The following MED25 variants were observed in gnomAD, a reference collection of about 807,000 sequenced individuals.
The protein encoded by MED25 is mediator complex subunit 25.
In MED25, 62 loss-of-function variants were observed where a neutral mutation model predicts 89.4. That is an observed-to-expected ratio of 0.69 (90% confidence interval 0.57 to 0.86). MED25 has a LOEUF of 0.86. Among genes scored for constraint, MED25 ranks in the 40% least tolerant of loss-of-function variants. The pLI, the probability that MED25 is intolerant of heterozygous loss-of-function variation, is 0.00. For synonymous variants in MED25, 449 were observed against 427.9 expected (o/e 1.05, Z -0.61); for missense variants, 905 against 1,005.2 (o/e 0.90, Z 1.35).
Position 49,836,588 on chromosome 19 carries a change from TAGTGG to T in MED25, c.2146+183_2146+187del, listed in dbSNP as rs2123889774. On this transcript the variant is annotated intron_variant, in intron 17 of 17. Coordinates refer to ENST00000312865, the MANE Select transcript of MED25 (RefSeq NM_030973.4). This position sits in a 1 kb window ranked among gnomAD's most constrained non-coding sequence, Gnocchi z 5.1. ...AGTACAGCCCATGGGTCCAAGGACC[TAGTGG>T]GTTAAGAGCGTTTCCCATGATCCTC... is the stretch of plus-strand genomic sequence containing the variant. 1.2e-6 allele frequency: 1 copy of T among 804,800 alleles called. No homozygotes were observed. The highest frequency in any genetic ancestry group is 2.7e-5 in the East Asian group (1 of 37,690). The allele number at this position is 804,800 out of a possible 1,614,324, so 49.9% of individuals were successfully genotyped here.
At position 49,834,353 on chromosome 19, in the gene MED25, G is replaced by A. The variant is rs2074080216; in HGVS notation, c.1483-633G>A. 6.3e-6 allele frequency: 1 copy of A among 158,516 alleles called. No individual in the cohort carries two copies. 9.8% of individuals were successfully genotyped at this position (158,516 alleles called of 1,614,324 possible). ...AGGCTCAGAGAAGTCAATTCACTTG[G>A]CCAAGGTCAGCCTCGCCTCCCTCAG... On this transcript the variant is annotated intron_variant, in intron 13 of 17. Coordinates refer to ENST00000312865, the MANE Select transcript of MED25 (RefSeq NM_030973.4). This position sits in a 1 kb window ranked among gnomAD's most constrained non-coding sequence, Gnocchi z 4.1.
intron 13 of MED25, 139 bp downstream of exon 13, chr19:49,832,554 C>G: frequency 1.5e-6 from 1 of 683,524 alleles, no homozygotes. Context: ...TTAGGTTCCT[C>G]GCCTTTCTTC....
chr19:49,838,557 T>C (rs1425292976), downstream of MED25: 10 of 457,318 alleles, frequency 2.2e-5, no homozygotes, highest in South Asian at 1.4e-4. Context: ...AAATCTTTCT[T>C]GTACCCATGT....
Position 49,829,785 on chromosome 19 carries a change from G to C in MED25, c.526-1G>C. Reference sequence around the variant, plus strand: ...ATGACTGCTCGGCCCCTCTCCTACAGCGGGGGATCCACTTCTCCATTGTGT... The same window carrying C: ...ATGACTGCTCGGCCCCTCTCCTACACCGGGGGATCCACTTCTCCATTGTGT... On this transcript the variant is annotated splice_acceptor_variant, in intron 5 of 17. Coordinates refer to ENST00000312865, the MANE Select transcript of MED25 (RefSeq NM_030973.4). LOFTEE classifies it high-confidence loss of function. The surrounding 1 kb of genome is among the most constrained non-coding windows in gnomAD (Gnocchi z 4.6). 6.3e-7 allele frequency: 1 copy of C among 1,587,730 alleles called. No individual in the cohort carries two copies.
At chr19:49,839,772 T>TGAAAGAGGTGGCCCGGA (rs1568627594), downstream of MED25, 1 of 152,062 alleles carries the variant, frequency 6.6e-6, no homozygotes. Context: ...CTTTCAGAAA[T>TGAAAGAGGTGGCCCGGA]GAAAGAGGTG....
chr19:49,823,734 A>T (rs2073998426), intron 3 of MED25, among the ~76,000 whole-genome samples: 1 of 152,160 alleles, frequency 6.6e-6, no homozygotes, highest in Non-Finnish European at 1.5e-5. Context: ...TGAAAAGGTG[A>T]CACAGAAGCT....
Position 49,830,130 on chromosome 19 carries a change from C to T in MED25, c.731C>T (p.Pro244Leu), listed in dbSNP as rs2123878960. The change falls in exon 7 of 18, where the codon CCA becomes CTA. Residue 244 changes from proline to leucine, a missense_variant. Pro to Leu is a moderately conservative substitution (Grantham distance 98). Around this residue, in one of 3 missense-constraint regions of MED25, gnomAD observed 501 missense variants for 526.9 expected, o/e 0.95. Transcript: ENST00000312865. The surrounding 1 kb of genome is among the most constrained non-coding windows in gnomAD (Gnocchi z 4.6). The stretch of plus-strand genomic sequence containing the variant: ...CCAGGCCCCCTCCAGTCAAAGCAGC[C>T]AGTCCCCCTGCCTCCCGCCGCACCC... The part of the protein sequence containing the change: ...SAPGPLQSKQ[P>L]VPLPPAAPSG... The T allele has an allele frequency of 1.2e-6, 2 of 1,608,784 alleles. No homozygotes were observed. Among genetic ancestry groups the T allele is most frequent in the South Asian group, 1.1e-5 (1 of 90,950 alleles).
intron 3 of MED25, among the ~76,000 whole-genome samples, chr19:49,822,283 A>C (rs78425156): frequency 7.1e-6 from 1 of 141,444 alleles, no homozygotes; most frequent in East Asian, 2.1e-4. Context: ...AAAAAAAAAA[A>C]ACCATACAAA....
downstream of MED25, chr19:49,839,771 A>G (rs1025555479): frequency 6.6e-5 from 10 of 152,236 alleles, no homozygotes; most frequent in African/African-American, 1.7e-4. Flanking sequence ...GCTTTCAGAA[A>G]TGAAAGAGGT....
intron 3 of MED25, among the ~76,000 whole-genome samples, chr19:49,821,433 A>ACGGTAGC (rs1220715612): frequency 6.6e-6 from 1 of 152,166 alleles, no homozygotes; most frequent in Non-Finnish European, 1.5e-5. Flanking sequence ...AGTAGCAGGG[A>ACGGTAGC]CGGTAGCCAA....
chr19:49,831,368 T>C lies in MED25; in HGVS notation c.1137T>C (p.Pro379=), dbSNP rs996862286. 1 of 1,611,046 alleles carries C rather than the reference T, an allele frequency of 6.2e-7. No individual in the cohort carries two copies. Among genetic ancestry groups the C allele is most frequent in the Non-Finnish European group, 8.5e-7 (1 of 1,178,892 alleles). The change falls in exon 10 of 18, where the codon CCT becomes CCC. Residue 379 remains proline (P), a synonymous_variant. Coordinates refer to ENST00000312865, the MANE Select transcript of MED25 (RefSeq NM_030973.4). The surrounding 1 kb of genome is among the most constrained non-coding windows in gnomAD (Gnocchi z 5.0). ...TGGCCCCAGGAGGGGTGAGCGGCCC[T>C]TCCCCAGCCCAGCTGGGAGCCCCAG... is the stretch of plus-strand genomic sequence containing the variant. ...GTVAPGGVSG[P]SPAQLGAPAL...
chr19:49,824,647 T>G (rs1380215845), intron 3 of MED25, among the ~76,000 whole-genome samples: 1 of 151,984 alleles, frequency 6.6e-6, no homozygotes, highest in Non-Finnish European at 1.5e-5. Flanking sequence ...CCCATAACAT[T>G]ATGACAACTC....
rs779479529 is a variant in MED25, at chr19:49,829,812, TC to T, written c.556del (p.Arg186GlyfsTer28). On this transcript the variant is annotated frameshift_variant, in exon 6 of 18. Transcript: ENST00000312865. LOFTEE classifies it high-confidence loss of function. The surrounding 1 kb of genome is among the most constrained non-coding windows in gnomAD (Gnocchi z 4.6). ...GGGGGATCCACTTCTCCATTGTGTC[TC>T]CCCGGAAGCTGCCTGCGCTTCGGCT... The part of the protein sequence containing the change: ...ERGIHFSIVS[P>X]RKLPALRLLF... 6.9e-6 allele frequency: 11 copies of T among 1,602,192 alleles called. No individual in the cohort carries two copies. The highest frequency in any genetic ancestry group is 9.4e-6 in the Non-Finnish European group (11 of 1,174,606).
At position 49,836,426 on chromosome 19, in the gene MED25, G is replaced by A. The variant is rs997376496; in HGVS notation, c.2146+20G>A. 2 of 1,570,884 alleles carry A rather than the reference G, an allele frequency of 1.3e-6. No individual in the cohort carries two copies. The highest frequency in any genetic ancestry group is 1.7e-6 in the Non-Finnish European group (2 of 1,157,598). On this transcript the variant is annotated intron_variant, in intron 17 of 17. Coordinates refer to ENST00000312865, the MANE Select transcript of MED25 (RefSeq NM_030973.4). This position sits in a 1 kb window ranked among gnomAD's most constrained non-coding sequence, Gnocchi z 5.1. ...TGCCAGGTAAGGGGACCCGGGGGAG[G>A]GCAGAGGTCTGGACTGAGTGTCCCA...
chr19:49,830,061 G>A lies in MED25; in HGVS notation c.689-27G>A. ...TCTGCATCTTGAATCCCTTCTCTCT[G>A]GGGTTGGCCATCCCTCCTGCTCTCA... On this transcript the variant is annotated intron_variant, in intron 6 of 17. Transcript: ENST00000312865. The surrounding 1 kb of genome is among the most constrained non-coding windows in gnomAD (Gnocchi z 4.6). 1 of 1,600,808 alleles carries A rather than the reference G, an allele frequency of 6.2e-7. No homozygotes were observed. Among genetic ancestry groups the A allele is most frequent in the Non-Finnish European group, 8.5e-7 (1 of 1,173,422 alleles).
At chr19:49,826,630 C>T (rs184644273) in intron 3 of MED25, among the ~76,000 whole-genome samples, 3 of 152,306 alleles carry the variant, frequency 2.0e-5, no homozygotes, top group Non-Finnish European at 4.4e-5. Flanking sequence ...TGGAGGGCTG[C>T]ACAGGGTGCG....
chr19:49,818,755 A>C, intron 2 of MED25, 139 bp downstream of exon 2: 1 of 842,358 alleles, frequency 1.2e-6, no homozygotes, highest in Non-Finnish European at 1.9e-6. Context: ...CCTTGTTCTG[A>C]GGGAGGAGGG....
rs760756335 is a variant in MED25, at chr19:49,829,427, C to T, written c.525+337C>T. 2.2e-4 allele frequency among the ~76,000 whole-genome samples: 34 copies of T among 152,190 alleles called. No individual in the cohort carries two copies. The highest frequency in any genetic ancestry group is 4.6e-4 in the Non-Finnish European group (31 of 68,000). ...CCGAGTAGCTGGGATTATAGACGCC[C>T]GCCACCACGCCCAGCTGATTTTTGT... On this transcript the variant is annotated intron_variant, in intron 5 of 17. Coordinates refer to ENST00000312865, the MANE Select transcript of MED25 (RefSeq NM_030973.4). This position sits in a 1 kb window ranked among gnomAD's most constrained non-coding sequence, Gnocchi z 4.6.
downstream of MED25, chr19:49,838,392 A>ATT: frequency 2.8e-6 from 1 of 358,374 alleles, no homozygotes; most frequent in Non-Finnish European, 5.5e-6. Context: ...CCTGGCAACA[A>ATT]TGGGCTGGAG....
Sources: allele counts gnomAD v4.1 joint callset (sites outside exome capture counted in the v4.1 genomes callset), GRCh38; gene constraint gnomAD v4.1.1; regional missense constraint gnomAD v4.1.1; non-coding constraint Gnocchi (gnomAD v3.1); transcripts MANE v1.5; gene names NCBI Gene and HGNC (gene_info 2026-07-23, HGNC 2026-07-21).